ALK: variants seen among roughly 807,000 people sequenced by gnomAD.
ALK encodes ALK tyrosine kinase receptor.
A neutral mutation model predicts 163.1 loss-of-function variants in ALK; 74 were observed. The ratio of observed to expected loss-of-function variants is 0.45; its 90% CI spans 0.38 to 0.55. The LOEUF is 0.55. Ranked by LOEUF, ALK falls within the 20% of genes least tolerant of loss-of-function variation. The probability of loss-of-function intolerance (pLI) is 0.00; values close to 1 mark genes in which losing one functional copy is unlikely to be tolerated. For missense variants in ALK, 2,063 were observed against 2,105.3 expected, an observed-to-expected ratio of 0.98 and a Z score of 0.39; for synonymous variants, 960 against 843.2, an observed-to-expected ratio of 1.14 and a Z score of -2.40.
chr2:29,369,235 C>T lies in ALK; in HGVS notation c.1282+14497G>A, dbSNP rs1668583004. On this transcript the variant is annotated intron_variant, in intron 5 of 28. Transcript: ENST00000389048. Reference sequence around the variant, plus strand: ...TCTAATTAAAGACCTCAGCCTTGCCCCTGAGGTCCTCTTTAGGATCACCAC... The same window carrying T: ...TCTAATTAAAGACCTCAGCCTTGCCTCTGAGGTCCTCTTTAGGATCACCAC... Among the ~76,000 whole-genome samples, 2 of 152,102 alleles carry T rather than the reference C, an allele frequency of 1.3e-5. 1 individual carries two copies. Among genetic ancestry groups the T allele is most frequent in the South Asian group, 4.2e-4 (2 of 4,818 alleles).
At chr2:29,743,525 G>A (rs760559074) in intron 1 of ALK, among the ~76,000 whole-genome samples, 2 of 152,202 alleles carry the variant, frequency 1.3e-5, no homozygotes, top group South Asian at 2.1e-4. Flanking sequence ...GGAACAGCCC[G>A]GATCACTTTC....
At chr2:29,782,902 G>A (rs1405671473) in intron 1 of ALK, among the ~76,000 whole-genome samples, 4 of 152,194 alleles carry the variant, frequency 2.6e-5, no homozygotes, top group Non-Finnish European at 5.9e-5. Flanking sequence ...CCCTTTTGCA[G>A]AATGCCCTCT....
intron 13 of ALK, among the ~76,000 whole-genome samples, chr2:29,234,841 C>T (rs1664325554): frequency 6.6e-6 from 1 of 152,200 alleles, no homozygotes; most frequent in Non-Finnish European, 1.5e-5. Context: ...GCCTCCCAAG[C>T]AGCTGGGACT....
At chr2:29,313,717 C>T (rs989763881) in intron 8 of ALK, among the ~76,000 whole-genome samples, 3 of 152,024 alleles carry the variant, frequency 2.0e-5, no homozygotes, top group East Asian at 3.9e-4. Flanking sequence ...ATGGGGAGCC[C>T]GTGATGCATA....
intron 1 of ALK, among the ~76,000 whole-genome samples, chr2:29,900,979 AAG>A (rs372397564): frequency 1.6e-4 from 24 of 146,726 alleles, no homozygotes; most frequent in Admixed American, 4.8e-4. Flanking sequence ...GAAAGAAAGA[AAG>A]AGAGAGAGAG....
chr2:29,754,383 C>T (rs551968050), intron 1 of ALK, among the ~76,000 whole-genome samples: 1 of 152,252 alleles, frequency 6.6e-6, no homozygotes, highest in East Asian at 1.9e-4. Flanking sequence ...ATACACTTCA[C>T]GAACTAGCAT....
intron 4 of ALK, among the ~76,000 whole-genome samples, chr2:29,420,515 C>T (rs905412440): frequency 1.3e-5 from 2 of 151,466 alleles, no homozygotes; most frequent in Non-Finnish European, 2.9e-5. Flanking sequence ...CAGCCTCCCC[C>T]ACCCTGAGTT....
At chr2:29,737,048 A>C (rs1245767171) in intron 1 of ALK, among the ~76,000 whole-genome samples, 1 of 152,104 alleles carries the variant, frequency 6.6e-6, no homozygotes, top group African/African-American at 2.4e-5. Context: ...TACTTTGGGC[A>C]TCCTTAAAAT....
At chr2:29,888,157 G>A (rs1435712257) in intron 1 of ALK, among the ~76,000 whole-genome samples, 2 of 151,856 alleles carry the variant, frequency 1.3e-5, no homozygotes, top group East Asian at 3.9e-4. Context: ...TTGGTTTCTG[G>A]CAATATAAGT....
intron 3 of ALK, among the ~76,000 whole-genome samples, chr2:29,542,677 C>T (rs1033765415): frequency 1.3e-5 from 2 of 152,100 alleles, no homozygotes; most frequent in African/African-American, 4.8e-5. Flanking sequence ...TCTGTTTTTC[C>T]TATTTGGAAG....
chr2:29,272,078 T>C (rs1665403891), intron 11 of ALK, among the ~76,000 whole-genome samples: 2 of 152,018 alleles, frequency 1.3e-5, no homozygotes, highest in Non-Finnish European at 2.9e-5. Context: ...TGGCAGAGCC[T>C]GACTGTTCCT....
intron 3 of ALK, among the ~76,000 whole-genome samples, chr2:29,563,904 C>T (rs1165184938): frequency 6.6e-6 from 1 of 152,156 alleles, no homozygotes; most frequent in East Asian, 1.9e-4. Context: ...AGAAGTTATG[C>T]AACCCTTTTA....
At chr2:29,402,345 C>T (rs961211457) in intron 4 of ALK, among the ~76,000 whole-genome samples, 3 of 152,208 alleles carry the variant, frequency 2.0e-5, no homozygotes, top group East Asian at 3.9e-4. Context: ...TCTGGCCCAG[C>T]GTGAGCAGAT....
chr2:29,360,765 A>C (rs1000630391), intron 5 of ALK, among the ~76,000 whole-genome samples: 1 of 152,218 alleles, frequency 6.6e-6, no homozygotes, highest in African/African-American at 2.4e-5. Flanking sequence ...AGTTATTTCT[A>C]GGTTGATGAG....
chr2:29,604,227 G>A (rs183281732), intron 3 of ALK, among the ~76,000 whole-genome samples: 172 of 139,278 alleles, frequency 1.2e-3, no homozygotes, highest in African/African-American at 4.4e-3. Flanking sequence ...AATATTTTAT[G>A]ACGTGAGGAT....
At chr2:29,864,324 CTCT>C (rs1666370482) in intron 1 of ALK, among the ~76,000 whole-genome samples, 1 of 152,200 alleles carries the variant, frequency 6.6e-6, no homozygotes, top group African/African-American at 2.4e-5. Flanking sequence ...GTCTGAAATA[CTCT>C]TCTTTTGAAT....
At position 29,246,077 on chromosome 2, in the gene ALK, G is replaced by A. The variant is rs1325020519; in HGVS notation, c.2204+5028C>T. On this transcript the variant is annotated intron_variant, in intron 12 of 28. Coordinates refer to ENST00000389048, the MANE Select transcript of ALK (RefSeq NM_004304.5). The surrounding 1 kb of genome is among the most constrained non-coding windows in gnomAD (Gnocchi z 4.3). Reference sequence around the variant, plus strand: ...GGTGAGCTGTGGGACGACTGCCTTCGGGAGCTATGGGCCATGCTTGACAAA... The same window carrying A: ...GGTGAGCTGTGGGACGACTGCCTTCAGGAGCTATGGGCCATGCTTGACAAA... 6.6e-5 allele frequency among the ~76,000 whole-genome samples: 10 copies of A among 152,302 alleles called. No homozygotes were observed. The highest frequency in any genetic ancestry group is 3.4e-3 in the Middle Eastern group (1 of 294).
chr2:29,694,917 G>A lies in ALK; in HGVS notation c.885C>T (p.Ser295=), dbSNP rs1060503882. ...GCAAGTCCATCTGGGAGGCCTCCTC[G>A]GAGGGGATGCGGCGCCAGGACCAGC... ...NQSWSWRRIP[S]EEASQMDLLD... Residue 295 remains serine, a synonymous_variant, in exon 3 of 29, where the codon TCC becomes TCT. Transcript: ENST00000389048. The A allele has an allele frequency of 1.4e-5, 23 of 1,614,126 alleles. No homozygotes were observed. Among genetic ancestry groups the A allele is most frequent in the East Asian group, 8.9e-5 (4 of 44,862 alleles).
chr2:29,857,227 C>T (rs1257990732), intron 1 of ALK, among the ~76,000 whole-genome samples: 1 of 152,068 alleles, frequency 6.6e-6, no homozygotes, highest in Admixed American at 6.5e-5. Context: ...TAAGATCCTA[C>T]AAGACTATGT....
Sources: gnomAD v4.1 joint callset for allele counts (sites outside exome capture counted in the v4.1 genomes callset) on GRCh38, gnomAD v4.1.1 for gene constraint, Gnocchi (gnomAD v3.1) non-coding constraint, MANE v1.5 for transcripts, NCBI Gene and HGNC (gene_info 2026-07-23, HGNC 2026-07-21) for gene names.